The following PLCB1 variants were observed in gnomAD, a reference collection of about 807,000 sequenced individuals.
PLCB1 encodes 1-phosphatidylinositol 4,5-bisphosphate phosphodiesterase beta-1.
In PLCB1, 46 loss-of-function variants were observed where a neutral mutation model predicts 161.8. The ratio of observed to expected loss-of-function variants is 0.28; its 90% CI spans 0.22 to 0.36. The LOEUF is 0.36. PLCB1 is among the 10% of genes least tolerant of loss of function. PLCB1 has a pLI of 1.00. For synonymous variants in PLCB1, 517 were observed against 503.7 expected, an observed-to-expected ratio of 1.03 and a Z score of -0.35; for missense variants, 1,016 against 1,472.5, an observed-to-expected ratio of 0.69 and a Z score of 5.07.
At chr20:8,150,265 G>C in intron 1 of PLCB1, 29 bp from the exon 2 acceptor site, 1 of 973,944 alleles carries the variant, frequency 1.0e-6, no homozygotes, top group Non-Finnish European at 1.6e-6. Flanking sequence ...GATATATGTT[G>C]ATATTCATGT....
chr20:8,781,822 A>G (rs948622623), intron 27 of PLCB1, among the ~76,000 whole-genome samples: 2 of 152,188 alleles, frequency 1.3e-5, no homozygotes, highest in African/African-American at 4.8e-5. Flanking sequence ...ATACTATTAG[A>G]TCTTGTGAGA....
intron 4 of PLCB1, among the ~76,000 whole-genome samples, chr20:8,629,841 C>CTT (rs1368536756): frequency 2.2e-5 from 2 of 92,242 alleles, no homozygotes; most frequent in East Asian, 2.5e-4. Flanking sequence ...TTCTTTCTTT[C>CTT]TTTCTTTCTT....
chr20:8,198,854 A>G (rs368183595), intron 2 of PLCB1, among the ~76,000 whole-genome samples: 2 of 152,184 alleles, frequency 1.3e-5, no homozygotes, highest in South Asian at 4.1e-4. Context: ...TTTTATGATT[A>G]TGTGGTAAGC....
At chr20:8,758,106 CA>C (rs1421781567) in intron 24 of PLCB1, among the ~76,000 whole-genome samples, 1 of 150,164 alleles carries the variant, frequency 6.7e-6, no homozygotes, top group East Asian at 2.0e-4. Flanking sequence ...ATAAAGTAAA[CA>C]AAAGGGAGCA....
At chr20:8,798,003 C>T (rs562535496) in intron 31 of PLCB1, among the ~76,000 whole-genome samples, 2 of 152,172 alleles carry the variant, frequency 1.3e-5, no homozygotes, top group African/African-American at 2.4e-5. Context: ...AGACCAGCCT[C>T]GCCAACATGG....
intron 3 of PLCB1, among the ~76,000 whole-genome samples, chr20:8,451,354 T>C (rs1022664521): frequency 1.3e-5 from 2 of 152,254 alleles, no homozygotes; most frequent in Non-Finnish European, 2.9e-5. Flanking sequence ...CCTTCTTTAT[T>C]TTTTATTTTT....
intron 4 of PLCB1, among the ~76,000 whole-genome samples, chr20:8,644,509 C>T (rs1313384668): frequency 6.1e-4 from 92 of 150,924 alleles, no homozygotes; most frequent in Admixed American, 7.9e-4. Flanking sequence ...AGGTGAGGAG[C>T]GTCTCTGCCC....
intron 31 of PLCB1, among the ~76,000 whole-genome samples, chr20:8,833,276 G>A (rs918872522): frequency 6.6e-6 from 1 of 152,196 alleles, no homozygotes; most frequent in South Asian, 2.1e-4. Context: ...AAGAGCAAAG[G>A]CATGTCTTAC....
At chr20:8,206,703 A>G (rs1978551011) in intron 2 of PLCB1, among the ~76,000 whole-genome samples, 1 of 152,090 alleles carries the variant, frequency 6.6e-6, no homozygotes, top group Admixed American at 6.6e-5. Flanking sequence ...GCTGAATCAT[A>G]TAAATGTATC....
intron 9 of PLCB1, among the ~76,000 whole-genome samples, chr20:8,662,048 T>C (rs868699739): frequency 3.0e-5 from 1 of 33,508 alleles, no homozygotes; most frequent in Non-Finnish European, 5.5e-5. Context: ...TATAATTATA[T>C]ATAATTATAT....
At chr20:8,828,823 G>A (rs1016973977) in intron 31 of PLCB1, among the ~76,000 whole-genome samples, 7 of 152,170 alleles carry the variant, frequency 4.6e-5, no homozygotes, top group East Asian at 1.9e-4. Context: ...GATGAAATGC[G>A]TGGCTTTGTC....
chr20:8,304,835 A>G (rs188582476), intron 2 of PLCB1, among the ~76,000 whole-genome samples: 57 of 152,286 alleles, frequency 3.7e-4, no homozygotes, highest in Admixed American at 8.5e-4. Flanking sequence ...GCACAGAGAG[A>G]TTAAGAAACT....
intron 1 of PLCB1, among the ~76,000 whole-genome samples, chr20:8,137,125 C>T (rs142807614): frequency 2.7e-4 from 41 of 152,270 alleles, no homozygotes; most frequent in Non-Finnish European, 5.6e-4. Context: ...CTCCAACCCC[C>T]ACAGCTAAAA....
intron 2 of PLCB1, among the ~76,000 whole-genome samples, chr20:8,217,147 C>T (rs1486927998): frequency 1.3e-5 from 2 of 152,106 alleles, no homozygotes; most frequent in Non-Finnish European, 2.9e-5. Flanking sequence ...TCCTTATTCA[C>T]ATCTCCTTTG....
At chr20:8,729,984 G>C (rs551743631) in intron 18 of PLCB1, 2 of 151,972 alleles carry the variant, frequency 1.3e-5, no homozygotes, top group African/African-American at 2.4e-5. Context: ...TTCATTTCTT[G>C]AATCATTATT....
At chr20:8,364,387 C>CA (rs1230913805) in intron 2 of PLCB1, among the ~76,000 whole-genome samples, 3 of 152,176 alleles carry the variant, frequency 2.0e-5, no homozygotes, top group African/African-American at 7.2e-5. Context: ...ATAATATCCG[C>CA]AGGCATTGGA....
intron 2 of PLCB1, among the ~76,000 whole-genome samples, chr20:8,187,085 A>G (rs2051913793): frequency 6.6e-6 from 1 of 152,078 alleles, no homozygotes; most frequent in Admixed American, 6.5e-5. Flanking sequence ...GACTCTTCTT[A>G]CTTTACATTT....
At chr20:8,674,187 T>C (rs1264111320) in intron 9 of PLCB1, among the ~76,000 whole-genome samples, 1 of 152,172 alleles carries the variant, frequency 6.6e-6, no homozygotes, top group African/African-American at 2.4e-5. Flanking sequence ...CCAGCAAATA[T>C]ATCTATTAGT....
At chr20:8,616,526 A>T (rs1163283300) in intron 3 of PLCB1, among the ~76,000 whole-genome samples, 4 of 152,204 alleles carry the variant, frequency 2.6e-5, no homozygotes, top group Non-Finnish European at 5.9e-5. Flanking sequence ...GATTAATTTA[A>T]TGCCCGTTTC....
Sources: gnomAD v4.1 joint callset for allele counts (sites outside exome capture counted in the v4.1 genomes callset) on GRCh38, gnomAD v4.1.1 for gene constraint, MANE v1.5 for transcripts, NCBI Gene and HGNC (gene_info 2026-07-23, HGNC 2026-07-21) for gene names.